Variants in RUFY1 observed in about 807,000 individuals in gnomAD.
RUFY1 encodes the protein RUN and FYVE domain-containing protein 1.
A neutral mutation model predicts 94.6 loss-of-function variants in RUFY1; 54 were observed. That is an observed-to-expected ratio of 0.57 (90% CI 0.46 to 0.72). The LOEUF (loss-of-function observed/expected upper bound fraction) is 0.72, where lower values mean the gene tolerates loss of function less well. Ranked by LOEUF, RUFY1 falls within the 30% of genes least tolerant of loss-of-function variation. The pLI, the probability that RUFY1 is intolerant of heterozygous loss-of-function variation, is 0.00. For missense variants in RUFY1, 883 were observed against 883.9 expected (o/e 1.00, Z 0.01); for synonymous variants, 396 against 347.3 (o/e 1.14, Z -1.56).
intron 5 of RUFY1, among the ~76,000 whole-genome samples, chr5:179,573,107 C>T (rs769236093): frequency 3.9e-5 from 6 of 152,194 alleles, no homozygotes; most frequent in Non-Finnish European, 7.4e-5. Flanking sequence ...TGTTGTAAAT[C>T]TGAATCTGTG....
intron 1 of RUFY1, among the ~76,000 whole-genome samples, chr5:179,554,198 A>G (rs1398343793): frequency 4.6e-5 from 7 of 152,222 alleles, no homozygotes; most frequent in Non-Finnish European, 1.0e-4. Flanking sequence ...TTTCAATGGT[A>G]GAAGCTAAAG....
chr5:179,555,886 G>A, intron 1 of RUFY1: 1 of 232,748 alleles, frequency 4.3e-6, no homozygotes, highest in Non-Finnish European at 8.7e-6. Context: ...CACCATGTTG[G>A]CCAGGCTGGT....
At chr5:179,606,195 G>C in intron 16 of RUFY1, 1 of 525,360 alleles carries the variant, frequency 1.9e-6, no homozygotes, top group East Asian at 3.4e-5. Context: ...CATTCCCTAA[G>C]GGGGAAGCAG....
At chr5:179,585,971 G>C in intron 8 of RUFY1, 106 bp downstream of exon 8, 1 of 852,162 alleles carries the variant, frequency 1.2e-6, no homozygotes, top group Non-Finnish European at 2.0e-6. Context: ...GTAGGAAGGG[G>C]ACTTGCTAGC....
intron 7 of RUFY1, among the ~76,000 whole-genome samples, chr5:179,581,289 G>A (rs1031737612): frequency 3.9e-5 from 6 of 152,132 alleles, no homozygotes; most frequent in African/African-American, 9.7e-5. Context: ...CCACAGCCAC[G>A]TGGCTGGAAA....
intron 7 of RUFY1, among the ~76,000 whole-genome samples, chr5:179,584,556 A>T (rs1274084010): frequency 2.6e-5 from 4 of 152,142 alleles, no homozygotes; most frequent in Non-Finnish European, 5.9e-5. Context: ...GGGCAGGAGG[A>T]GGATCACCTG....
intron 3 of RUFY1, among the ~76,000 whole-genome samples, chr5:179,564,211 C>G (rs949358806): frequency 1.3e-5 from 2 of 151,372 alleles, no homozygotes; most frequent in African/African-American, 4.9e-5. Flanking sequence ...CCTCCACCCC[C>G]TGGGTTCCAG....
At chr5:179,560,265 C>T in intron 2 of RUFY1, 67 bp downstream of exon 2, 2 of 1,540,586 alleles carry the variant, frequency 1.3e-6, no homozygotes, top group African/African-American at 2.7e-5. Context: ...ATTTTTTCAT[C>T]AGCGCCAGAC....
At chr5:179,593,667 A>C in intron 11 of RUFY1, 22 bp downstream of exon 11, 1 of 1,609,674 alleles carries the variant, frequency 6.2e-7, no homozygotes, top group Non-Finnish European at 8.5e-7. Flanking sequence ...CTTTGTGTCC[A>C]TGGCACAGCC....
intron 7 of RUFY1, 22 bp downstream of exon 7, chr5:179,581,034 A>G (rs374797519): frequency 4.4e-5 from 65 of 1,488,944 alleles, no homozygotes; most frequent in Admixed American, 1.1e-4. Flanking sequence ...TTTTTTTTCA[A>G]TGTGACAGTT....
At chr5:179,567,378 TGTGTCTCCCTGGCTAAATCAG>T in intron 3 of RUFY1, 62 bp from the exon 4 acceptor site, 1 of 983,134 alleles carries the variant, frequency 1.0e-6, no homozygotes, top group South Asian at 1.3e-5. Context: ...GTGTTTCCTA[TGTGTCTCCCTGGCTAAATCAG>T]GTGTCTTTTC....
chr5:179,606,272 G>C (rs190847400), intron 16 of RUFY1: 1 of 312,922 alleles, frequency 3.2e-6, no homozygotes, highest in African/African-American at 2.2e-5. Flanking sequence ...GTTGAAGTGA[G>C]GGGCCAGAGG....
intron 1 of RUFY1, among the ~76,000 whole-genome samples, chr5:179,559,274 C>T (rs1253687390): frequency 6.6e-6 from 1 of 152,210 alleles, no homozygotes; most frequent in Admixed American, 6.5e-5. Context: ...GTCTTTATTA[C>T]ACCCTCAAGG....
chr5:179,580,340 T>A (rs1764044486), intron 6 of RUFY1, among the ~76,000 whole-genome samples: 1 of 151,296 alleles, frequency 6.6e-6, no homozygotes, highest in African/African-American at 2.4e-5. Context: ...CCTCCCGGGT[T>A]CACGCCATTC....
At chr5:179,585,124 C>A (rs1764497495) in intron 7 of RUFY1, among the ~76,000 whole-genome samples, 1 of 152,180 alleles carries the variant, frequency 6.6e-6, no homozygotes, top group Admixed American at 6.5e-5. Flanking sequence ...GAGTAAGACT[C>A]TGTCTCAAAA....
chr5:179,566,779 GGTGCA>G (rs1486618340), intron 3 of RUFY1, among the ~76,000 whole-genome samples: 1 of 152,098 alleles, frequency 6.6e-6, no homozygotes, highest in Non-Finnish European at 1.5e-5. Flanking sequence ...TTTAAGGCCA[GGTGCA>G]GTGGCTCATG....
Position 179,567,461 on chromosome 5 carries a change from G to C in RUFY1, c.603G>C (p.Lys201Asn), listed in dbSNP as rs764810036. ...ATSVRNLPEL[K>N]TAVGRGRAWL... is the part of the protein sequence containing the mutation. ...AGTTGATTCTCTGTTTGAATTCTAG[G>C]ACAGCTGTGGGAAGAGGCCGAGCGT... The change falls in exon 4 of 18, where the codon AAG becomes AAC. Residue 201 changes from lysine to asparagine, a missense_variant and splice_region_variant. Coordinates refer to ENST00000319449, the MANE Select transcript of RUFY1 (RefSeq NM_025158.5). 1.2e-6 allele frequency: 2 copies of C among 1,611,670 alleles called. No individual in the cohort carries two copies. The highest frequency in any genetic ancestry group is 1.7e-6 in the Non-Finnish European group (2 of 1,177,876).
chr5:179,556,851 A>T (rs1332519004), intron 1 of RUFY1, among the ~76,000 whole-genome samples: 1 of 152,166 alleles, frequency 6.6e-6, no homozygotes, highest in African/African-American at 2.4e-5. Context: ...TGTCATTAGC[A>T]TATATCTGTA....
intron 5 of RUFY1, chr5:179,572,124 C>A: frequency 5.0e-6 from 1 of 201,930 alleles, no homozygotes; most frequent in South Asian, 6.6e-5. Context: ...GGTTGTCAGT[C>A]TGTCCAGCCT....
Sources: allele counts gnomAD v4.1 joint callset (sites outside exome capture counted in the v4.1 genomes callset), GRCh38; gene constraint gnomAD v4.1.1; transcripts MANE v1.5; gene names NCBI Gene and HGNC (gene_info 2026-07-23, HGNC 2026-07-21).